MFHAS1: variants seen among roughly 807,000 people sequenced by gnomAD.
MFHAS1 encodes malignant fibrous histiocytoma-amplified sequence 1.
MFHAS1 carries 50 observed loss-of-function variants against 70.4 expected under a neutral mutation model. That is an observed-to-expected ratio of 0.71 (90% CI 0.57 to 0.90). MFHAS1 has a LOEUF of 0.90. Ranked by LOEUF, MFHAS1 falls within the 40% of genes least tolerant of loss-of-function variation. The pLI, the probability that MFHAS1 is intolerant of heterozygous loss-of-function variation, is 0.00. For synonymous variants in MFHAS1, 952 were observed against 620.0 expected, an observed-to-expected ratio of 1.54 and a Z score of -7.96; for missense variants, 1,795 against 1,347.6, an observed-to-expected ratio of 1.33 and a Z score of -5.20.
chr8:8,872,218 A>T (rs928201648), intron 1 of MFHAS1, among the ~76,000 whole-genome samples: 1 of 152,202 alleles, frequency 6.6e-6, no homozygotes, highest in African/African-American at 2.4e-5. Flanking sequence ...TTTGTCTATG[A>T]CCAAAGAATC....
Position 8,892,617 on chromosome 8 carries a change from G to A in MFHAS1, c.442C>T (p.Pro148Ser). The change falls in exon 1 of 3, where the codon CCC (proline) becomes TCC (serine). Residue 148 changes from proline (P) to serine (S), a missense_variant. By Grantham distance (74) the Pro-to-Ser change is moderately conservative. Coordinates refer to ENST00000276282, the MANE Select transcript of MFHAS1 (RefSeq NM_004225.3). This position sits in a 1 kb window ranked among gnomAD's most constrained non-coding sequence, Gnocchi z 4.7. ...GCGCCCAGCTGGGCGGGCAGGGCGG[G>A]CAGCTGGTTGTGGCTGAGGTTGAGC... The part of the protein sequence containing the change: ...RKLNLSHNQL[P>S]ALPAQLGALA... 2 of 1,607,622 alleles carry A rather than the reference G, an allele frequency of 1.2e-6. No individual in the cohort carries two copies. Among genetic ancestry groups the A allele is most frequent in the Non-Finnish European group, 1.7e-6 (2 of 1,177,592 alleles).
intron 1 of MFHAS1, among the ~76,000 whole-genome samples, chr8:8,859,011 C>G (rs765649670): frequency 3.3e-5 from 5 of 152,228 alleles, no homozygotes; most frequent in African/African-American, 4.8e-5. Context: ...CATACACACA[C>G]ACATAAAGAT....
At chr8:8,787,489 C>T (rs1805593382) in intron 2 of MFHAS1, among the ~76,000 whole-genome samples, 2 of 152,148 alleles carry the variant, frequency 1.3e-5, no homozygotes, top group Admixed American at 1.3e-4. Flanking sequence ...TGATCTGACT[C>T]CAAAGCTCAA....
chr8:8,871,027 T>G (rs1386019374), intron 1 of MFHAS1, among the ~76,000 whole-genome samples: 14 of 152,152 alleles, frequency 9.2e-5, no homozygotes, highest in Admixed American at 2.6e-4. Flanking sequence ...GTTATTCTGC[T>G]TTTCATTCAA....
At chr8:8,836,740 G>A (rs1223660207) in intron 1 of MFHAS1, among the ~76,000 whole-genome samples, 1 of 152,178 alleles carries the variant, frequency 6.6e-6, no homozygotes, top group African/African-American at 2.4e-5. Flanking sequence ...TGAACTCAAG[G>A]TTGGGGAGAA....
At chr8:8,806,140 G>A (rs762167675) in intron 1 of MFHAS1, among the ~76,000 whole-genome samples, 1 of 152,092 alleles carries the variant, frequency 6.6e-6, no homozygotes, top group Non-Finnish European at 1.5e-5. Flanking sequence ...TCTAATACCT[G>A]CAACAGGAGA....
chr8:8,817,093 G>A lies in MFHAS1; in HGVS notation c.2999-19602C>T, dbSNP rs533920614. ...GTAATTAGAGATCAGGACACTGGCT[G>A]CTTTCAGTATAGAAGCACACAGCAA... is the stretch of plus-strand genomic sequence containing the variant. On this transcript the variant is annotated intron_variant, in intron 1 of 2. Transcript: ENST00000276282. Among the ~76,000 whole-genome samples, 69 of 152,252 alleles carry A rather than the reference G, an allele frequency of 4.5e-4. No homozygotes were observed. In the South Asian group the frequency reaches 0.014, roughly 32 times the overall value.
intron 1 of MFHAS1, 134 bp from the exon 2 acceptor site, chr8:8,797,625 A>T: frequency 2.0e-6 from 2 of 1,014,534 alleles, no homozygotes; most frequent in Non-Finnish European, 2.8e-6. Flanking sequence ...TGTGAGAACA[A>T]ATGTGCAACC....
intron 1 of MFHAS1, among the ~76,000 whole-genome samples, chr8:8,826,640 G>A (rs780567328): frequency 1.5e-4 from 23 of 152,318 alleles, no homozygotes; most frequent in Non-Finnish European, 2.9e-4. Flanking sequence ...GGCTGAGGCA[G>A]GACAATCGCT....
chr8:8,822,162 G>A (rs1371640152), intron 1 of MFHAS1: 2 of 152,460 alleles, frequency 1.3e-5, no homozygotes, highest in South Asian at 2.1e-4. Flanking sequence ...CAGGCTGAGA[G>A]GAGCTGAAGC....
At chr8:8,797,328 G>A in intron 2 of MFHAS1, 37 bp downstream of exon 2, 1 of 1,609,746 alleles carries the variant, frequency 6.2e-7, no homozygotes, top group Non-Finnish European at 8.5e-7. Flanking sequence ...GGGATCAGGA[G>A]CCAGGTCCCG....
At chr8:8,834,781 G>C (rs576508368) in intron 1 of MFHAS1, among the ~76,000 whole-genome samples, 6 of 152,172 alleles carry the variant, frequency 3.9e-5, no homozygotes, top group Non-Finnish European at 7.3e-5. Flanking sequence ...AAAACATTAT[G>C]CTAAGTAGAA....
At chr8:8,809,987 A>G (rs967634986) in intron 1 of MFHAS1, among the ~76,000 whole-genome samples, 1 of 152,240 alleles carries the variant, frequency 6.6e-6, no homozygotes. Flanking sequence ...TTATGACCTG[A>G]AATTATAAAA....
chr8:8,805,801 G>C (rs1265028239), intron 1 of MFHAS1, among the ~76,000 whole-genome samples: 12 of 151,940 alleles, frequency 7.9e-5, no homozygotes, highest in Non-Finnish European at 1.6e-4. Context: ...GGGTTCAAGA[G>C]ATTCTCCTGC....
chr8:8,882,835 C>G lies in MFHAS1; in HGVS notation c.2998+7226G>C, dbSNP rs991907969. Among the ~76,000 whole-genome samples the G allele has an allele frequency of 3.3e-5, 5 of 152,234 alleles. No homozygotes were observed. In the South Asian group the frequency reaches 1.0e-3, roughly 32 times the overall value. On this transcript the variant is annotated intron_variant, in intron 1 of 2. Transcript: ENST00000276282. ...AGAAGGTAAACCTGACAACCACCCC[C>G]CAGCAATTAATGTTGCAATCAGAAA...
In MFHAS1 at chr8:8,880,885, G is replaced by A. The variant is rs191063598; in HGVS notation, c.2998+9176C>T. ...TTTTTAGTAGAGATGAGGGTTCACC[G>A]CATTGGCCAACCTGTTCTCGAACTC... On this transcript the variant is annotated intron_variant, in intron 1 of 2. Coordinates refer to ENST00000276282, the MANE Select transcript of MFHAS1 (RefSeq NM_004225.3). Among the ~76,000 whole-genome samples, 72 of 152,014 alleles carry A rather than the reference G, an allele frequency of 4.7e-4. No homozygotes were observed. In the East Asian group the frequency reaches 5.4e-3, roughly 11 times the overall value.
At chr8:8,815,790 T>C (rs535374582) in intron 1 of MFHAS1, among the ~76,000 whole-genome samples, 2 of 152,348 alleles carry the variant, frequency 1.3e-5, no homozygotes, top group African/African-American at 4.8e-5. Context: ...TACCCAGCTA[T>C]GCCGCTCCTA....
intron 1 of MFHAS1, among the ~76,000 whole-genome samples, chr8:8,853,206 C>T (rs541100437): frequency 6.6e-6 from 1 of 152,152 alleles, no homozygotes; most frequent in East Asian, 1.9e-4. Context: ...CACACACTCA[C>T]ATACCCCCCA....
At position 8,892,528 on chromosome 8, in the gene MFHAS1, G is replaced by C. The variant is rs1171134001; in HGVS notation, c.531C>G (p.Leu177=). 1 of 1,596,238 alleles carries C rather than the reference G, an allele frequency of 6.3e-7. No individual in the cohort carries two copies. The highest frequency in any genetic ancestry group is 8.5e-7 in the Non-Finnish European group (1 of 1,171,786). ...GGGTGCGCAGGCGGGAGAGGCAGGA[G>C]AGGGAGTCAGGCAGGTGCGCCAGCC... ...FNRLAHLPDS[L]SCLSRLRTLD... Residue 177 remains leucine (L), a synonymous_variant, in exon 1 of 3, where the codon CTC becomes CTG. Coordinates refer to ENST00000276282, the MANE Select transcript of MFHAS1 (RefSeq NM_004225.3). This position sits in a 1 kb window ranked among gnomAD's most constrained non-coding sequence, Gnocchi z 4.7.
Sources: gnomAD v4.1 joint callset for allele counts (sites outside exome capture counted in the v4.1 genomes callset) on GRCh38, gnomAD v4.1.1 for gene constraint, Gnocchi (gnomAD v3.1) non-coding constraint, MANE v1.5 for transcripts, NCBI Gene and HGNC (gene_info 2026-07-23, HGNC 2026-07-21) for gene names.